The following ASB17 variants were observed in gnomAD, a reference collection of about 807,000 sequenced individuals.
ASB17 encodes the protein ankyrin repeat and SOCS box containing 17.
In ASB17, 26 loss-of-function variants were observed where a neutral mutation model predicts 25.7. That is an observed-to-expected ratio of 1.01 (90% CI 0.74 to 1.40). ASB17 has a LOEUF of 1.40. Among genes scored for constraint, ASB17 ranks in the 40% most tolerant of loss-of-function variants. The probability of loss-of-function intolerance (pLI) is 0.00; values close to 1 mark genes in which losing one functional copy is unlikely to be tolerated. For missense variants in ASB17, 326 were observed against 338.5 expected, an observed-to-expected ratio of 0.96 and a Z score of 0.29; for synonymous variants, 128 against 121.4, an observed-to-expected ratio of 1.05 and a Z score of -0.36.
chr1:75,923,391 T>C (rs1453817232), intron 1 of ASB17, among the ~76,000 whole-genome samples: 1 of 152,174 alleles, frequency 6.6e-6, no homozygotes, highest in Non-Finnish European at 1.5e-5. Context: ...AACTTTATTT[T>C]TTTAAATGGT....
chr1:75,924,645 A>G (rs1261875379), intron 1 of ASB17, among the ~76,000 whole-genome samples: 1 of 152,098 alleles, frequency 6.6e-6, no homozygotes, highest in Admixed American at 6.6e-5. Context: ...CAGACCAATA[A>G]TGTCATGGGC....
At chr1:75,923,932 G>T (rs1167338223) in intron 1 of ASB17, among the ~76,000 whole-genome samples, 2 of 152,002 alleles carry the variant, frequency 1.3e-5, no homozygotes, top group African/African-American at 4.8e-5. Context: ...AGAGATAAAA[G>T]ATATAGTTCT....
chr1:75,932,013 A>G lies in ASB17; in HGVS notation c.279T>C (p.Cys93=). ...AAACCCAGTACAGAATTGTATTCAC[A>G]CATATTTCAGTGAAGTCGAGGTTAA... ...VSFNLDFTEI[C]VNTILYWVFA... is the part of the protein sequence containing the mutation. The change falls in exon 1 of 3, where the codon TGT becomes TGC. Residue 93 remains cysteine (C), a synonymous_variant. Transcript: ENST00000284142. 6.2e-7 allele frequency: 1 copy of G among 1,614,178 alleles called. No homozygotes were observed.
rs776881601 is a variant in ASB17, at chr1:75,932,065, T to A, written c.227A>T (p.Lys76Ile). ...LLTDYIAFVE[K>I]SGYRFEVSFN... ...ACTTACTTCAAAACGGTATCCTGAT[T>A]TTTCCACAAATGCAATGTAATCTGT... Residue 76 changes from lysine (K) to isoleucine (I), a missense_variant, in exon 1 of 3, where the codon AAA becomes ATA. By Grantham distance (102) the Lys-to-Ile change is moderately radical. Transcript: ENST00000284142. 4.3e-6 allele frequency: 7 copies of A among 1,613,974 alleles called. No individual in the cohort carries two copies. Among genetic ancestry groups the A allele is most frequent in the Non-Finnish European group, 4.2e-6 (5 of 1,180,004 alleles).
intron 1 of ASB17, among the ~76,000 whole-genome samples, chr1:75,928,574 C>A (rs909427351): frequency 3.9e-5 from 6 of 152,084 alleles, no homozygotes; most frequent in African/African-American, 1.4e-4. Flanking sequence ...AAGTAAAGAA[C>A]AACAGATAAT....
At chr1:75,927,777 A>C (rs1653211132) in intron 1 of ASB17, among the ~76,000 whole-genome samples, 1 of 152,102 alleles carries the variant, frequency 6.6e-6, no homozygotes, top group African/African-American at 2.4e-5. Flanking sequence ...CCCAAAATCC[A>C]ATCTTCAAAT....
chr1:75,922,499 T>TC (rs1653059925), intron 1 of ASB17, 140 bp from the exon 2 acceptor site: 7 of 625,366 alleles, frequency 1.1e-5, no homozygotes, highest in Non-Finnish European at 1.6e-5. Flanking sequence ...TTTTTTTTTT[T>TC]TTTTTTTTTT....
chr1:75,928,610 G>A (rs1301171333), intron 1 of ASB17, among the ~76,000 whole-genome samples: 2 of 152,172 alleles, frequency 1.3e-5, no homozygotes, highest in African/African-American at 2.4e-5. Flanking sequence ...TTCATTATGA[G>A]GACATAATAG....
intron 1 of ASB17, among the ~76,000 whole-genome samples, chr1:75,929,248 G>A (rs933585109): frequency 8.6e-5 from 13 of 150,692 alleles, no homozygotes; most frequent in Admixed American, 8.6e-4. Flanking sequence ...TTTTTGAGAC[G>A]GATTCTCGCT....
At position 75,931,915 on chromosome 1, in the gene ASB17, C is replaced by G; in HGVS notation, c.377G>C (p.Ser126Thr). The G allele has an allele frequency of 6.2e-7, 1 of 1,606,332 alleles. No individual in the cohort carries two copies. The change falls in exon 1 of 3, where the codon AGT becomes ACT. Residue 126 changes from serine (S) to threonine (T), a missense_variant. Physicochemically the swap from Ser to Thr is moderately conservative, Grantham distance 58. Coordinates refer to ENST00000284142, the MANE Select transcript of ASB17 (RefSeq NM_080868.3). The part of the protein sequence containing the change: ...KKTKDYVQDR[S>T]CNLALIWRTF... ...CCTCCATATCAGTGCCAGGTTACAA[C>G]TTCTGTCTTGAACATAGTCTTTTGT...
At chr1:75,931,407 T>A (rs920577068) in intron 1 of ASB17, among the ~76,000 whole-genome samples, 5 of 152,184 alleles carry the variant, frequency 3.3e-5, no homozygotes, top group Non-Finnish European at 7.4e-5. Context: ...GTACTTGACC[T>A]TCATTGTGCT....
At chr1:75,923,518 T>C (rs1033578933) in intron 1 of ASB17, among the ~76,000 whole-genome samples, 2 of 152,198 alleles carry the variant, frequency 1.3e-5, no homozygotes, top group Non-Finnish European at 2.9e-5. Flanking sequence ...GCCATAATTT[T>C]GCCAAGTAAT....
At chr1:75,924,059 T>G (rs1462251939) in intron 1 of ASB17, among the ~76,000 whole-genome samples, 1 of 152,138 alleles carries the variant, frequency 6.6e-6, no homozygotes, top group Non-Finnish European at 1.5e-5. Flanking sequence ...GAGGGGTACT[T>G]AACTCTATCT....
Position 75,922,195 on chromosome 1 carries a change from G to C in ASB17, c.566C>G (p.Pro189Arg). Residue 189 changes from proline (P) to arginine (R), a missense_variant, in exon 2 of 3, where the codon CCT becomes CGT. Coordinates refer to ENST00000284142, the MANE Select transcript of ASB17 (RefSeq NM_080868.3). ...INIVLTIVLY[P>R]SRVRVMVDRE... ...ATCAACCATTACTCTTACTCTCGAA[G>C]GGTAGAGTACTATTGTTAAGACAAT... 6.2e-7 allele frequency: 1 copy of C among 1,613,654 alleles called. No homozygotes were observed. Among genetic ancestry groups the C allele is most frequent in the Non-Finnish European group, 8.5e-7 (1 of 1,179,682 alleles).
chr1:75,931,819 G>A (rs1653327677), intron 1 of ASB17, 72 bp downstream of exon 1: 4 of 1,404,406 alleles, frequency 2.8e-6, no homozygotes, highest in African/African-American at 1.4e-5. Context: ...GTGAGTTTTA[G>A]AAAAAAGAAG....
chr1:75,926,543 A>G (rs1196944893), intron 1 of ASB17, among the ~76,000 whole-genome samples: 9 of 152,202 alleles, frequency 5.9e-5, no homozygotes, highest in Non-Finnish European at 1.2e-4. Flanking sequence ...CATTATTTAG[A>G]GCCTTATGGA....
At chr1:75,931,861 T>C (rs1485408524) in intron 1 of ASB17, 30 bp downstream of exon 1, 1 of 1,529,930 alleles carries the variant, frequency 6.5e-7, no homozygotes. Context: ...AATTTTCTTG[T>C]TCTATAGTGA....
rs1254961880 is a variant in ASB17, at chr1:75,932,282, A to G, written c.10T>C (p.Ser4Pro). 6.2e-7 allele frequency: 1 copy of G among 1,606,546 alleles called. No homozygotes were observed. The highest frequency in any genetic ancestry group is 1.1e-5 in the South Asian group (1 of 89,796). The change falls in exon 1 of 3, where the codon TCT (serine) becomes CCT (proline). Residue 4 changes from serine (S) to proline (P), a missense_variant. By Grantham distance (74) the Ser-to-Pro change is moderately conservative. Coordinates refer to ENST00000284142, the MANE Select transcript of ASB17 (RefSeq NM_080868.3). The stretch of plus-strand genomic sequence containing the variant: ...GAAGTCTTACCACATAATTTAGTAG[A>G]TTTACTCATTGTTACTTATAGCAGC... MSK[S>P]TKLCGKTSCP...
Position 75,926,034 on chromosome 1 carries a change from A to G in ASB17, c.402-3675T>C, listed in dbSNP as rs897505051. ...TATGCATGGCCTTTAGACCAATTTT[A>G]TTTGGCTATTCCCAGGCAATTTCAT... On this transcript the variant is annotated intron_variant, in intron 1 of 2. Transcript: ENST00000284142. Among the ~76,000 whole-genome samples the G allele has an allele frequency of 5.3e-5, 8 of 152,200 alleles. 1 individual carries two copies. The highest frequency in any genetic ancestry group is 1.9e-4 in the African/African-American group (8 of 41,518).
Sources: gnomAD v4.1 joint callset for allele counts (sites outside exome capture counted in the v4.1 genomes callset) on GRCh38, gnomAD v4.1.1 for gene constraint, MANE v1.5 for transcripts, NCBI Gene and HGNC (gene_info 2026-07-23, HGNC 2026-07-21) for gene names.